Variants in TOPBP1 observed in about 807,000 individuals in gnomAD.
TOPBP1 encodes the protein DNA topoisomerase 2-binding protein 1.
A neutral mutation model predicts 167.7 loss-of-function variants in TOPBP1; 28 were observed. That is an observed-to-expected ratio of 0.17 (90% CI 0.12 to 0.23). The LOEUF is 0.23. Among genes scored for constraint, TOPBP1 ranks in the 10% least tolerant of loss-of-function variants. TOPBP1 has a pLI of 1.00. For synonymous variants in TOPBP1, 598 were observed against 611.4 expected (o/e 0.98, Z 0.32); for missense variants, 1,554 against 1,809.6 (o/e 0.86, Z 2.56).
chr3:133,608,406 A>C, intron 27 of TOPBP1, 129 bp downstream of exon 27: 2 of 1,002,250 alleles, frequency 2.0e-6, no homozygotes, highest in Non-Finnish European at 2.9e-6. Context: ...AAAGGGCTGG[A>C]ATAGAAGAGA....
chr3:133,649,453 A>G lies in TOPBP1; in HGVS notation c.1434T>C (p.Ala478=). The G allele has an allele frequency of 6.2e-7, 1 of 1,613,912 alleles. No individual in the cohort carries two copies. The highest frequency in any genetic ancestry group is 8.5e-7 in the Non-Finnish European group (1 of 1,179,872). Residue 478 remains alanine, a synonymous_variant, in exon 10 of 28, where the codon GCT becomes GCC. Transcript: ENST00000260810. ...KNSSFSKKDF[A]PSEKHEQADE... is the part of the protein sequence containing the mutation. Reference sequence around the variant, plus strand: ...CAGCTTGCTCATGCTTTTCACTAGGAGCAAAGTCTTTCTTAGAGAAGCTGC... The same window carrying G: ...CAGCTTGCTCATGCTTTTCACTAGGGGCAAAGTCTTTCTTAGAGAAGCTGC...
At chr3:133,647,443 T>TA (rs1287835305) in intron 10 of TOPBP1, among the ~76,000 whole-genome samples, 2 of 152,120 alleles carry the variant, frequency 1.3e-5, no homozygotes, top group Non-Finnish European at 2.9e-5. Flanking sequence ...AAGTTCACAA[T>TA]AAAAATCACA....
rs1451335118 is a variant in TOPBP1 at position 133,640,137 on chromosome 3, T to G, written c.2055A>C (p.Ala685=). The change falls in exon 13 of 28, where the codon GCA becomes GCC. Residue 685 remains alanine (A), a synonymous_variant. Coordinates refer to ENST00000260810, the MANE Select transcript of TOPBP1 (RefSeq NM_007027.4). ...VQEYFVRKSN[A]KKGMFASTHL... is the part of the protein sequence containing the mutation. ...GAGTACTGGCAAACATGCCTTTCTT[T>G]GCATTGGATTTGCGAACAAAGTATT... 1.2e-6 allele frequency: 2 copies of G among 1,613,728 alleles called. No homozygotes were observed. The highest frequency in any genetic ancestry group is 1.1e-5 in the South Asian group (1 of 91,072).
chr3:133,645,922 G>A (rs1479638375), intron 10 of TOPBP1, among the ~76,000 whole-genome samples: 1 of 152,132 alleles, frequency 6.6e-6, no homozygotes, highest in African/African-American at 2.4e-5. Context: ...GCTGAGGTGG[G>A]TGGATCACAA....
chr3:133,625,156 G>A (rs1286460514), intron 16 of TOPBP1, among the ~76,000 whole-genome samples: 1 of 152,132 alleles, frequency 6.6e-6, no homozygotes, highest in Non-Finnish European at 1.5e-5. Flanking sequence ...TAGTAGAGAT[G>A]GGTTTTCACC....
At chr3:133,660,579 C>A (rs1166004214) in intron 2 of TOPBP1, among the ~76,000 whole-genome samples, 1 of 152,160 alleles carries the variant, frequency 6.6e-6, no homozygotes. Context: ...TTCTGCATTT[C>A]GAAGAAACTT....
chr3:133,618,533 G>T, intron 20 of TOPBP1, 100 bp from the exon 21 acceptor site: 2 of 1,008,128 alleles, frequency 2.0e-6, no homozygotes, highest in Non-Finnish European at 3.0e-6. Flanking sequence ...ACCTTTATAT[G>T]CCCACCATCT....
rs763009844 is a variant in TOPBP1 at position 133,656,782 on chromosome 3, T to C, written c.439A>G (p.Ile147Val). ...RDLNVSVTHL[I>V]AGEVGSKKYL... ...TTTTTGCTACCAACTTCTCCTGCAA[T>C]AAGGTGAGTTACTGATACATTAAGG... is the stretch of plus-strand genomic sequence containing the variant. The change falls in exon 5 of 28, where the codon ATT becomes GTT. Residue 147 changes from isoleucine (I) to valine (V), a missense_variant. Physicochemically the swap from Ile to Val is conservative, Grantham distance 29 (BLOSUM62 3). Transcript: ENST00000260810. The C allele has an allele frequency of 1.2e-6, 2 of 1,613,222 alleles. No homozygotes were observed. The highest frequency in any genetic ancestry group is 8.5e-7 in the Non-Finnish European group (1 of 1,179,628).
intron 6 of TOPBP1, among the ~76,000 whole-genome samples, chr3:133,654,923 T>C (rs62282428): frequency 0.14 from 21,918 of 152,072 alleles, 1,880 homozygotes; most frequent in Non-Finnish European, 0.2. Flanking sequence ...ATATTAAATA[T>C]TAGTGGCTGG....
rs780887306 is a variant in TOPBP1 at position 133,623,058 on chromosome 3, A to C, written c.3178+33T>G. The C allele has an allele frequency of 2.2e-5, 30 of 1,384,380 alleles. No individual in the cohort carries two copies. In the Admixed American group the frequency reaches 3.0e-4, roughly 14 times the overall value. 85.8% of individuals were successfully genotyped at this position (1,384,380 alleles called of 1,614,324 possible). ...AAAAATTGAGACCTTGTCTCAAAAAAAATTTTTTTAATTAAAAAATAAAAT... is the reference window on the plus strand; with the variant it reads ...AAAAATTGAGACCTTGTCTCAAAAACAATTTTTTTAATTAAAAAATAAAAT... On this transcript the variant is annotated intron_variant, in intron 19 of 27. Transcript: ENST00000260810.
intron 27 of TOPBP1, among the ~76,000 whole-genome samples, chr3:133,602,207 C>T (rs1934328464): frequency 6.6e-6 from 1 of 152,148 alleles, no homozygotes; most frequent in Admixed American, 6.5e-5. Flanking sequence ...ATGACCATCA[C>T]TGATTTCTCA....
At chr3:133,645,491 T>A (rs922664562) in intron 10 of TOPBP1, among the ~76,000 whole-genome samples, 1 of 152,184 alleles carries the variant, frequency 6.6e-6, no homozygotes, top group African/African-American at 2.4e-5. Flanking sequence ...GAAAGTTTTT[T>A]AAACAGTTTT....
intron 2 of TOPBP1, among the ~76,000 whole-genome samples, chr3:133,660,683 T>A (rs550387314): frequency 1.5e-3 from 233 of 152,344 alleles, no homozygotes; most frequent in African/African-American, 5.1e-3. Context: ...TAATAAAACA[T>A]AATTTTTAAC....
intron 27 of TOPBP1, among the ~76,000 whole-genome samples, chr3:133,607,024 C>G (rs4241354): frequency 2.0e-5 from 3 of 152,038 alleles, no homozygotes; most frequent in African/African-American, 7.2e-5. Flanking sequence ...TACAAACACT[C>G]TGTACAAATT....
chr3:133,602,997 G>A (rs1934362037), intron 27 of TOPBP1, among the ~76,000 whole-genome samples: 1 of 149,680 alleles, frequency 6.7e-6, no homozygotes, highest in South Asian at 2.1e-4. Flanking sequence ...ACAGGTTCAA[G>A]TGATTCTCCT....
chr3:133,601,294 C>G lies in TOPBP1; in HGVS notation c.4525G>C (p.Ala1509Pro). Residue 1509 changes from alanine (A) to proline (P), a missense_variant, in exon 28 of 28, where the codon GCT becomes CCT. Physicochemically the swap from Ala to Pro is conservative, Grantham distance 27. Coordinates refer to ENST00000260810, the MANE Select transcript of TOPBP1 (RefSeq NM_007027.4). Reference protein sequence around the residue: ...LGTGLSQKRKAPTEKNKIKRP... With the variant: ...LGTGLSQKRKPPTEKNKIKRP... ...TTGATTTTATTTTTTTCTGTAGGAG[C>G]TTTCCTCTTTTGTGATAATCCAGTC... is the stretch of plus-strand genomic sequence containing the variant. 1 of 1,608,104 alleles carries G rather than the reference C, an allele frequency of 6.2e-7. No individual in the cohort carries two copies. The highest frequency in any genetic ancestry group is 8.5e-7 in the Non-Finnish European group (1 of 1,178,070).
intron 1 of TOPBP1, 54 bp from the exon 2 acceptor site, chr3:133,661,188 T>G: frequency 7.3e-7 from 1 of 1,378,328 alleles, no homozygotes; most frequent in South Asian, 1.4e-5. Context: ...GATAAAAAGT[T>G]GCATGTTTAA....
chr3:133,618,854 A>G (rs1037401022), intron 20 of TOPBP1, among the ~76,000 whole-genome samples: 3 of 152,128 alleles, frequency 2.0e-5, no homozygotes, highest in Admixed American at 1.3e-4. Context: ...AATTACTTGA[A>G]ATTATAAGCA....
chr3:133,604,121 CTTATTTAT>C lies in TOPBP1; in HGVS notation c.4426-2736_4426-2729del, dbSNP rs372879387. On this transcript the variant is annotated intron_variant, in intron 27 of 27. Coordinates refer to ENST00000260810, the MANE Select transcript of TOPBP1 (RefSeq NM_007027.4). ...ACAAGTTGACAATATCAGGAATAAA[CTTATTTAT>C]TTATTTATTTATTTATTTATTTTGA... 1.8e-3 allele frequency among the ~76,000 whole-genome samples: 269 copies of C among 150,858 alleles called. 4 individuals carry two copies. Among genetic ancestry groups the C allele is most frequent in the African/African-American group, 5.2e-3 (214 of 41,026 alleles).
Sources: allele counts gnomAD v4.1 joint callset (sites outside exome capture counted in the v4.1 genomes callset), GRCh38; gene constraint gnomAD v4.1.1; transcripts MANE v1.5; gene names NCBI Gene and HGNC (gene_info 2026-07-23, HGNC 2026-07-21).